ZDHHC17: variants seen among roughly 807,000 people sequenced by gnomAD.
ZDHHC17 encodes the protein zDHHC palmitoyltransferase 17.
A neutral mutation model predicts 90.3 loss-of-function variants in ZDHHC17; 40 were observed. The observed-to-expected ratio is 0.44, with a 90% CI of 0.34 to 0.58. The LOEUF (loss-of-function observed/expected upper bound fraction) is 0.58, where lower values mean the gene tolerates loss of function less well. Among genes scored for constraint, ZDHHC17 ranks in the 20% least tolerant of loss-of-function variants. The pLI is 0.01. For missense variants in ZDHHC17, 614 were observed against 780.8 expected, an observed-to-expected ratio of 0.79 and a Z score of 2.55; for synonymous variants, 235 against 252.4, an observed-to-expected ratio of 0.93 and a Z score of 0.65.
chr12:76,781,057 C>G (rs1952618927), intron 1 of ZDHHC17, among the ~76,000 whole-genome samples: 1 of 147,128 alleles, frequency 6.8e-6, no homozygotes, highest in Non-Finnish European at 1.5e-5. Flanking sequence ...TGGTGTGAAC[C>G]CGGGAGGCGG....
chr12:76,789,170 C>T (rs1952730465), intron 1 of ZDHHC17, among the ~76,000 whole-genome samples: 1 of 152,150 alleles, frequency 6.6e-6, no homozygotes, highest in South Asian at 2.1e-4. Flanking sequence ...GAATCCGTCT[C>T]TAGGAGTTTA....
chr12:76,845,879 T>C (rs1006289979), intron 13 of ZDHHC17, 77 bp downstream of exon 13: 3 of 788,708 alleles, frequency 3.8e-6, no homozygotes, highest in Non-Finnish European at 6.3e-6. Context: ...AATATTAAAG[T>C]AGGCAATAGA....
intron 1 of ZDHHC17, among the ~76,000 whole-genome samples, chr12:76,775,967 A>C (rs957152579): frequency 6.6e-6 from 1 of 152,116 alleles, no homozygotes; most frequent in Non-Finnish European, 1.5e-5. Flanking sequence ...TTGACCACTC[A>C]TAATGTAAAT....
chr12:76,809,388 C>G (rs188744302), intron 4 of ZDHHC17, among the ~76,000 whole-genome samples: 4 of 151,806 alleles, frequency 2.6e-5, no homozygotes, highest in African/African-American at 9.7e-5. Context: ...ATTTTTGCAG[C>G]CTGTATATAT....
rs978874888 is a variant in ZDHHC17 at position 76,819,317 on chromosome 12, T to TA, written c.772-3082dup. On this transcript the variant is annotated intron_variant, in intron 7 of 16. Coordinates refer to ENST00000426126, the MANE Select transcript of ZDHHC17 (RefSeq NM_015336.4). ...AATTTTGAAAAGGAAACATTTATTT[T>TA]AAAAAAATACCTAGAATATTTGTCC... Among the ~76,000 whole-genome samples the TA allele has an allele frequency of 2.3e-3, 349 of 152,252 alleles. 1 individual carries two copies. The highest frequency in any genetic ancestry group is 7.9e-3 in the African/African-American group (330 of 41,572).
intron 10 of ZDHHC17, among the ~76,000 whole-genome samples, chr12:76,834,750 A>T (rs1428354173): frequency 6.6e-6 from 1 of 152,110 alleles, no homozygotes. Flanking sequence ...ATGTGAGGGG[A>T]GGGATCAGTA....
chr12:76,777,512 C>A (rs1952572544), intron 1 of ZDHHC17, among the ~76,000 whole-genome samples: 1 of 152,158 alleles, frequency 6.6e-6, no homozygotes, highest in Non-Finnish European at 1.5e-5. Flanking sequence ...TACAAGTATT[C>A]ATGTAAACAT....
intron 1 of ZDHHC17, among the ~76,000 whole-genome samples, chr12:76,770,072 C>T (rs1264982421): frequency 6.6e-6 from 1 of 152,164 alleles, no homozygotes; most frequent in Admixed American, 6.5e-5. Context: ...TTATTGAACT[C>T]TGCATCCCAA....
intron 1 of ZDHHC17, chr12:76,769,052 G>A (rs1234404722): frequency 4.7e-6 from 2 of 425,116 alleles, no homozygotes; most frequent in Non-Finnish European, 9.5e-6. Context: ...ACTTTTTGAA[G>A]CTTTTGGTTT....
intron 3 of ZDHHC17, 83 bp downstream of exon 3, chr12:76,805,522 A>G: frequency 4.3e-6 from 5 of 1,158,728 alleles, no homozygotes; most frequent in Non-Finnish European, 6.0e-6. Context: ...TATAAAAACT[A>G]ATACTTTCTA....
intron 1 of ZDHHC17, among the ~76,000 whole-genome samples, chr12:76,793,154 C>T (rs987693002): frequency 1.3e-5 from 2 of 152,184 alleles, no homozygotes; most frequent in Non-Finnish European, 2.9e-5. Flanking sequence ...CTCAGATAAA[C>T]TCTGCTAAAT....
At chr12:76,792,147 C>G (rs1463754687) in intron 1 of ZDHHC17, among the ~76,000 whole-genome samples, 1 of 152,054 alleles carries the variant, frequency 6.6e-6, no homozygotes, top group Non-Finnish European at 1.5e-5. Context: ...GTCACCAGCC[C>G]CCTCCTGAGT....
At chr12:76,820,457 A>G (rs1033640609) in intron 7 of ZDHHC17, among the ~76,000 whole-genome samples, 1 of 152,204 alleles carries the variant, frequency 6.6e-6, no homozygotes, top group Non-Finnish European at 1.5e-5. Flanking sequence ...TGATAAATTT[A>G]GATGAATTGA....
chr12:76,816,429 T>G (rs1407350320), intron 7 of ZDHHC17, among the ~76,000 whole-genome samples: 1 of 152,100 alleles, frequency 6.6e-6, no homozygotes, highest in Non-Finnish European at 1.5e-5. Flanking sequence ...TTTCTTTTCA[T>G]TTTTAAAGCC....
At chr12:76,819,198 G>A (rs1028557000) in intron 7 of ZDHHC17, among the ~76,000 whole-genome samples, 9 of 152,164 alleles carry the variant, frequency 5.9e-5, no homozygotes, top group Admixed American at 1.3e-4. Flanking sequence ...GGATGAAGGT[G>A]ATAGGAATTG....
intron 8 of ZDHHC17, 138 bp from the exon 9 acceptor site, chr12:76,826,770 A>C: frequency 1.3e-6 from 1 of 777,676 alleles, no homozygotes; most frequent in Non-Finnish European, 1.9e-6. Flanking sequence ...AGCACCTTGA[A>C]TAGTACTGAT....
intron 15 of ZDHHC17, 48 bp from the exon 16 acceptor site, chr12:76,849,328 A>T: frequency 1.0e-6 from 1 of 989,856 alleles, no homozygotes; most frequent in Non-Finnish European, 1.4e-6. Context: ...TGTCTCAAAA[A>T]AAAAAAAAAA....
chr12:76,789,870 A>G (rs1315362786), intron 1 of ZDHHC17, among the ~76,000 whole-genome samples: 1 of 152,198 alleles, frequency 6.6e-6, no homozygotes, highest in Non-Finnish European at 1.5e-5. Flanking sequence ...AAACAAGGGA[A>G]GTCTGAGAAG....
At chr12:76,819,839 C>T (rs1480457150) in intron 7 of ZDHHC17, among the ~76,000 whole-genome samples, 2 of 151,690 alleles carry the variant, frequency 1.3e-5, no homozygotes, top group African/African-American at 2.4e-5. Context: ...ACTAAAAATA[C>T]AAAATTAGCC....
Sources: gnomAD v4.1 joint callset for allele counts (sites outside exome capture counted in the v4.1 genomes callset) on GRCh38, gnomAD v4.1.1 for gene constraint, MANE v1.5 for transcripts, NCBI Gene and HGNC (gene_info 2026-07-23, HGNC 2026-07-21) for gene names.